CLVS1: variants seen among roughly 807,000 people sequenced by gnomAD.
CLVS1 encodes clavesin-1.
CLVS1 carries 10 observed loss-of-function variants against 33.1 expected under a neutral mutation model. That is an observed-to-expected ratio of 0.30 (90% CI 0.19 to 0.51). The LOEUF (loss-of-function observed/expected upper bound fraction) is 0.51. Among genes scored for constraint, CLVS1 ranks in the 20% least tolerant of loss-of-function variants. CLVS1 has a pLI of 0.97. For missense variants in CLVS1, 343 were observed against 433.4 expected (o/e 0.79, Z 1.85); for synonymous variants, 163 against 166.1 (o/e 0.98, Z 0.14).
intron 2 of CLVS1, among the ~76,000 whole-genome samples, chr8:61,187,806 A>ATC (rs900001206): frequency 1.4e-4 from 21 of 149,838 alleles, no homozygotes; most frequent in African/African-American, 5.1e-4. Flanking sequence ...TTATACATAG[A>ATC]TTATATATAA....
intron 2 of CLVS1, among the ~76,000 whole-genome samples, chr8:61,325,583 T>C (rs1399284132): frequency 6.6e-6 from 1 of 152,208 alleles, no homozygotes; most frequent in African/African-American, 2.4e-5. Flanking sequence ...GACTTCTCTG[T>C]ATTTTAGGTG....
intron 3 of CLVS1, among the ~76,000 whole-genome samples, chr8:61,382,541 A>G (rs977552415): frequency 1.3e-5 from 2 of 152,220 alleles, no homozygotes; most frequent in African/African-American, 2.4e-5. Flanking sequence ...CTGTATTTCA[A>G]CAAGTCCTTC....
At chr8:61,330,356 A>G (rs1811547768) in intron 2 of CLVS1, among the ~76,000 whole-genome samples, 1 of 152,216 alleles carries the variant, frequency 6.6e-6, no homozygotes, top group South Asian at 2.1e-4. Context: ...ACTCCAAATA[A>G]GAGTGTGGGA....
At chr8:61,326,369 A>G (rs536568369) in intron 2 of CLVS1, among the ~76,000 whole-genome samples, 2 of 152,228 alleles carry the variant, frequency 1.3e-5, no homozygotes, top group South Asian at 2.1e-4. Context: ...CTGTTAGTTG[A>G]GCTTAGCTTA....
At chr8:61,180,265 A>T (rs1194107889) in intron 2 of CLVS1, among the ~76,000 whole-genome samples, 1 of 152,192 alleles carries the variant, frequency 6.6e-6, no homozygotes, top group Admixed American at 6.6e-5. Context: ...TCCTGGACAC[A>T]TACACCCTCC....
intron 2 of CLVS1, among the ~76,000 whole-genome samples, chr8:61,139,617 G>A (rs560383853): frequency 6.6e-6 from 1 of 152,000 alleles, no homozygotes; most frequent in African/African-American, 2.4e-5. Flanking sequence ...CGTATTTCCA[G>A]CCTGCTGGGG....
chr8:61,120,956 G>A (rs1805849929), intron 1 of CLVS1, among the ~76,000 whole-genome samples: 1 of 149,140 alleles, frequency 6.7e-6, no homozygotes, highest in African/African-American at 2.5e-5. Flanking sequence ...GCAATGGCGG[G>A]TGCCCCTCCC....
intron 1 of CLVS1, among the ~76,000 whole-genome samples, chr8:61,105,730 G>A (rs1319834874): frequency 6.6e-6 from 1 of 151,830 alleles, no homozygotes; most frequent in African/African-American, 2.4e-5. Flanking sequence ...GACATTAAAA[G>A]TGCAATCATG....
Position 61,458,547 on chromosome 8 carries a change from G to T in CLVS1, c.977+5G>T. 5 of 1,571,988 alleles carry T rather than the reference G, an allele frequency of 3.2e-6. No homozygotes were observed. Among genetic ancestry groups the T allele is most frequent in the Non-Finnish European group, 1.7e-6 (2 of 1,160,080 alleles). On this transcript the variant is annotated splice_donor_5th_base_variant and intron_variant, in intron 5 of 5. Coordinates refer to ENST00000325897, the MANE Select transcript of CLVS1 (RefSeq NM_173519.3). ...CTCACCCAAGCTGATGAAAAGGTAA[G>T]GCCTGGGTTATCAGAGCCCCCCCCC...
intron 2 of CLVS1, among the ~76,000 whole-genome samples, chr8:61,261,282 G>A (rs1483587909): frequency 6.6e-6 from 1 of 152,210 alleles, no homozygotes; most frequent in Non-Finnish European, 1.5e-5. Context: ...TGTGAAAGCA[G>A]TTGTGAAACA....
chr8:61,029,402 A>C, the CLVS1 span, among the ~76,000 whole-genome samples: 1 of 152,100 alleles, frequency 6.6e-6, no homozygotes, highest in Admixed American at 6.5e-5. Flanking sequence ...GCAGAGATGC[A>C]GCTTCTGGGA....
At chr8:61,308,330 A>G (rs536166284) in intron 2 of CLVS1, among the ~76,000 whole-genome samples, 2 of 152,294 alleles carry the variant, frequency 1.3e-5, no homozygotes, top group South Asian at 4.2e-4. Context: ...CAGAGCTTCC[A>G]ATTACAAGCT....
intron 1 of CLVS1, among the ~76,000 whole-genome samples, chr8:61,093,741 C>T (rs532330445): frequency 1.2e-4 from 19 of 152,332 alleles, no homozygotes; most frequent in African/African-American, 3.6e-4. Context: ...GGACCCCTCC[C>T]CCCAGCAAGA....
chr8:61,288,318 ATCC>A, intron 1 of CLVS1, 180 bp downstream of exon 1: 1 of 453,824 alleles, frequency 2.2e-6, no homozygotes, highest in Non-Finnish European at 4.4e-6. Flanking sequence ...TCCGCGGTCC[ATCC>A]TCCTCCCGGC....
the CLVS1 span, among the ~76,000 whole-genome samples, chr8:60,983,018 C>T: frequency 2.0e-5 from 3 of 152,266 alleles, no homozygotes; most frequent in Admixed American, 6.5e-5. Flanking sequence ...GAAAGACTTA[C>T]GCTAGCTGGT....
At chr8:61,048,774 C>A in the CLVS1 span, among the ~76,000 whole-genome samples, 1 of 152,126 alleles carries the variant, frequency 6.6e-6, no homozygotes, top group African/African-American at 2.4e-5. Flanking sequence ...CTAGACTCTA[C>A]CTGAGACAGC....
At chr8:61,157,156 C>T (rs1412673089) in intron 2 of CLVS1, among the ~76,000 whole-genome samples, 1 of 152,180 alleles carries the variant, frequency 6.6e-6, no homozygotes, top group Non-Finnish European at 1.5e-5. Flanking sequence ...TCAGTTACCT[C>T]CCTAAGCTGA....
At chr8:61,009,741 T>C in the CLVS1 span, among the ~76,000 whole-genome samples, 3 of 152,242 alleles carry the variant, frequency 2.0e-5, no homozygotes, top group South Asian at 6.2e-4. Context: ...AGTGAGCTTT[T>C]GCACTTGGTT....
chr8:61,022,181 T>A, the CLVS1 span, among the ~76,000 whole-genome samples: 4 of 152,326 alleles, frequency 2.6e-5, no homozygotes, highest in East Asian at 5.8e-4. Flanking sequence ...TCCCTGCACA[T>A]CCTCACGGCA....
Sources: allele counts gnomAD v4.1 joint callset (sites outside exome capture counted in the v4.1 genomes callset), GRCh38; gene constraint gnomAD v4.1.1; transcripts MANE v1.5; gene names NCBI Gene and HGNC (gene_info 2026-07-23, HGNC 2026-07-21).